The following WAC variants were observed in gnomAD, a reference collection of about 807,000 sequenced individuals.
WAC encodes WW domain-containing adapter protein with coiled-coil.
A neutral mutation model predicts 79.6 loss-of-function variants in WAC; 11 were observed. The observed-to-expected ratio is 0.14, with a 90% confidence interval of 0.09 to 0.23. The LOEUF (loss-of-function observed/expected upper bound fraction) is 0.23, where lower values mean the gene tolerates loss of function less well. Ranked by LOEUF, WAC falls within the 10% of genes least tolerant of loss-of-function variation. The pLI is 1.00. For synonymous variants in WAC, 304 were observed against 276.9 expected, an observed-to-expected ratio of 1.10 and a Z score of -0.97; for missense variants, 728 against 773.5, an observed-to-expected ratio of 0.94 and a Z score of 0.70.
In WAC at chr10:28,534,739, A is replaced by T. The variant is rs2042711811; in HGVS notation, c.78+705A>T. On this transcript the variant is annotated intron_variant, in intron 2 of 13. Coordinates refer to ENST00000354911, the MANE Select transcript of WAC (RefSeq NM_016628.5). ...TAACCATCAGATGACTGCAGAAAAC[A>T]CTTTCTACATCTTAAAGGACTAGAG... 2.6e-5 allele frequency among the ~76,000 whole-genome samples: 4 copies of T among 152,242 alleles called. No homozygotes were observed. The South Asian group carries it at 8.3e-4, about 31-fold the overall frequency.
intron 2 of WAC, among the ~76,000 whole-genome samples, chr10:28,534,942 A>G (rs886794084): frequency 5.9e-5 from 9 of 152,236 alleles, no homozygotes; most frequent in African/African-American, 2.2e-4. Context: ...TATGTGTTAG[A>G]ATAAAGCTAA....
intron 3 of WAC, among the ~76,000 whole-genome samples, chr10:28,574,715 A>T (rs1366343284): frequency 6.6e-6 from 1 of 152,204 alleles, no homozygotes; most frequent in Non-Finnish European, 1.5e-5. Flanking sequence ...AAGTGCTAGG[A>T]TTACAGGTGT....
intron 8 of WAC, 43 bp downstream of exon 8, chr10:28,608,474 G>A: frequency 6.6e-7 from 1 of 1,518,284 alleles, no homozygotes; most frequent in Non-Finnish European, 8.9e-7. Flanking sequence ...TTTGCATTGT[G>A]CAAAGTTATG....
chr10:28,535,724 G>A lies in WAC; in HGVS notation c.241G>A (p.Val81Met), dbSNP rs1836616184. The A allele has an allele frequency of 6.2e-7, 1 of 1,613,882 alleles. No homozygotes were observed. Among genetic ancestry groups the A allele is most frequent in the Non-Finnish European group, 8.5e-7 (1 of 1,179,892 alleles). The change falls in exon 3 of 14, where the codon GTG (valine) becomes ATG (methionine). Residue 81 changes from valine (V) to methionine (M), a missense_variant. Transcript: ENST00000354911. ...CACAGGTCACAGTAAGGCCAAAAATGTGCATACTCACAGAGTTAGAGAGAG... is the reference window on the plus strand; with the variant it reads ...CACAGGTCACAGTAAGGCCAAAAATATGCATACTCACAGAGTTAGAGAGAG... ...DSTGHSKAKNVHTHRVRERDG... is the reference protein window; with the variant it reads ...DSTGHSKAKNMHTHRVRERDG...
At chr10:28,557,767 A>G (rs1386917152) in intron 3 of WAC, among the ~76,000 whole-genome samples, 3 of 152,162 alleles carry the variant, frequency 2.0e-5, no homozygotes, top group African/African-American at 4.8e-5. Flanking sequence ...ATAGATTTTG[A>G]TAGATGTTAA....
At chr10:28,560,947 A>T (rs1838270723) in intron 3 of WAC, among the ~76,000 whole-genome samples, 1 of 152,162 alleles carries the variant, frequency 6.6e-6, no homozygotes, top group African/African-American at 2.4e-5. Flanking sequence ...AGCAAATGAG[A>T]CCGAGAAGGA....
chr10:28,586,637 A>G (rs551380701), intron 4 of WAC, among the ~76,000 whole-genome samples: 2 of 152,244 alleles, frequency 1.3e-5, no homozygotes, highest in Non-Finnish European at 2.9e-5. Context: ...GCGTTGAGCT[A>G]TGGTTGCGCC....
chr10:28,533,675 G>C, intron 1 of WAC, 55 bp downstream of exon 1: 1 of 1,505,912 alleles, frequency 6.6e-7, no homozygotes. Flanking sequence ...CGGCGGGGGG[G>C]CTGTTCCTCC....
rs769338361 is a variant in WAC at position 28,535,804 on chromosome 10, G to A, written c.274+47G>A. 13 of 1,494,672 alleles carry A rather than the reference G, an allele frequency of 8.7e-6. No individual in the cohort carries two copies. The South Asian group carries it at 1.6e-4, about 19-fold the overall frequency. The allele number at this position is 1,494,672 out of a possible 1,614,324, so 92.6% of individuals were successfully genotyped here. ...ACTTTGACATACAGTTTTAACAATA[G>A]CTCTATATAAAAGGCGGCAGTAGTA... is the stretch of plus-strand genomic sequence containing the variant. On this transcript the variant is annotated intron_variant, in intron 3 of 13. Transcript: ENST00000354911.
At position 28,622,998 on chromosome 10, in the gene WAC, A is replaced by G. The variant is rs994889431; in HGVS notation, c.*3392A>G. ...ACAAAATGACACTGAAAAGTAATAAATATGTTTTGACTATATTGTGCAGTT... is the reference window on the plus strand; with the variant it reads ...ACAAAATGACACTGAAAAGTAATAAGTATGTTTTGACTATATTGTGCAGTT... On this transcript the variant is annotated 3_prime_UTR_variant, in exon 14 of 14. Transcript: ENST00000354911. 1 of 152,178 alleles carries G rather than the reference A, an allele frequency of 6.6e-6. No homozygotes were observed. Among genetic ancestry groups the G allele is most frequent in the Admixed American group, 6.5e-5 (1 of 15,276 alleles). 9.4% of individuals were successfully genotyped at this position (152,178 alleles called of 1,614,324 possible). A position where few individuals can be genotyped will look rare whatever the true frequency, so the allele number is the denominator to read the frequency against.
At chr10:28,571,274 A>G (rs1476552680) in intron 3 of WAC, among the ~76,000 whole-genome samples, 1 of 152,172 alleles carries the variant, frequency 6.6e-6, no homozygotes, top group Admixed American at 6.5e-5. Context: ...TGCCGCGAGT[A>G]CTATTCAGAA....
chr10:28,547,907 C>T lies in WAC; in HGVS notation c.274+12150C>T, dbSNP rs971669064. 2.4e-5 allele frequency among the ~76,000 whole-genome samples: 3 copies of T among 126,590 alleles called. No individual in the cohort carries two copies. The East Asian group carries it at 7.7e-4, about 32-fold the overall frequency. 83.0% of individuals were successfully genotyped at this position (126,590 alleles called of 152,430 possible). A position where few individuals can be genotyped will look rare whatever the true frequency, so the allele number is the denominator to read the frequency against. The stretch of plus-strand genomic sequence containing the variant: ...TTTTAATTACATTTTAATTTTCTTT[C>T]TCTTTTTCTTTTTTTTTTTTTTTCT... On this transcript the variant is annotated intron_variant, in intron 3 of 13. Transcript: ENST00000354911.
chr10:28,588,835 T>G (rs1269935385), intron 4 of WAC: 2 of 152,198 alleles, frequency 1.3e-5, no homozygotes, highest in Non-Finnish European at 1.5e-5. Flanking sequence ...AATTTGCATA[T>G]CATCTCATTT....
At chr10:28,541,871 G>A (rs1244077342) in intron 3 of WAC, among the ~76,000 whole-genome samples, 1 of 152,064 alleles carries the variant, frequency 6.6e-6, no homozygotes, top group Non-Finnish European at 1.5e-5. Context: ...GCCCCCTAGT[G>A]TTCCCGAGTC....
intron 3 of WAC, among the ~76,000 whole-genome samples, chr10:28,556,374 T>A (rs1245968067): frequency 7.1e-6 from 1 of 140,854 alleles, no homozygotes; most frequent in Non-Finnish European, 1.6e-5. Context: ...AGATTCAATT[T>A]CGTTGCCCAT....
intron 6 of WAC, among the ~76,000 whole-genome samples, chr10:28,593,486 G>C (rs896067735): frequency 6.6e-6 from 1 of 152,034 alleles, no homozygotes; most frequent in Non-Finnish European, 1.5e-5. Flanking sequence ...TTTTAACAAA[G>C]GCCAGGCACG....
chr10:28,618,514 T>G (rs956986401), intron 13 of WAC, among the ~76,000 whole-genome samples: 1 of 152,232 alleles, frequency 6.6e-6, no homozygotes, highest in African/African-American at 2.4e-5. Flanking sequence ...TATAGTCAGA[T>G]TGCTCTGAAA....
intron 3 of WAC, among the ~76,000 whole-genome samples, chr10:28,538,953 A>G (rs949409505): frequency 2.0e-5 from 3 of 152,042 alleles, no homozygotes; most frequent in East Asian, 1.9e-4. Context: ...TGGATTATCT[A>G]AGCTCTAAGC....
intron 3 of WAC, among the ~76,000 whole-genome samples, chr10:28,547,213 TTGTG>T (rs913151284): frequency 2.5e-4 from 38 of 152,202 alleles, no homozygotes; most frequent in South Asian, 4.1e-4. Flanking sequence ...ACTTTTTGCT[TTGTG>T]TGTTACATAT....
Sources: gnomAD v4.1 joint callset for allele counts (sites outside exome capture counted in the v4.1 genomes callset) on GRCh38, gnomAD v4.1.1 for gene constraint, MANE v1.5 for transcripts, NCBI Gene and HGNC (gene_info 2026-07-23, HGNC 2026-07-21) for gene names.